PBX1: variants seen among roughly 807,000 people sequenced by gnomAD.
PBX1 encodes the protein pre-B-cell leukemia transcription factor 1.
Under a neutral mutation model 53.4 loss-of-function variants are expected in PBX1, and 6 were observed. That is an observed-to-expected ratio of 0.11 (90% CI 0.06 to 0.22). The LOEUF (loss-of-function observed/expected upper bound fraction) is 0.22. PBX1 is among the 10% of genes least tolerant of loss of function. The pLI is 1.00. For missense variants in PBX1, 251 were observed against 551.4 expected (o/e 0.46, Z 5.46); for synonymous variants, 204 against 212.3 (o/e 0.96, Z 0.34).
At chr1:164,852,043 AGCT>A (rs1363638056), downstream of PBX1, among the ~76,000 whole-genome samples, 5 of 152,282 alleles carry the variant, frequency 3.3e-5, no homozygotes, top group Non-Finnish European at 5.9e-5. Context: ...GGTAAACAAT[AGCT>A]GTATTACAGA....
intron 2 of PBX1, among the ~76,000 whole-genome samples, chr1:164,667,516 T>A (rs1660875353): frequency 6.6e-6 from 1 of 151,854 alleles, no homozygotes; most frequent in African/African-American, 2.4e-5. Context: ...CAGTGGACAT[T>A]TGGGTCAAGA....
In PBX1 at chr1:164,820,143, T is replaced by G. The variant is rs751257842; in HGVS notation, c.1069T>G (p.Ser357Ala). 1.9e-6 allele frequency: 3 copies of G among 1,613,834 alleles called. No individual in the cohort carries two copies. The highest frequency in any genetic ancestry group is 2.5e-6 in the Non-Finnish European group (3 of 1,179,804). The change falls in exon 7 of 9, where the codon TCT (serine) becomes GCT (alanine). Residue 357 changes from serine to alanine, a missense_variant. Physicochemically the swap from Ser to Ala is moderately conservative, Grantham distance 99. Transcript: ENST00000420696. ...GAGCGTGCAGTCACTCAATGGGGAT[T>G]CTTACCAAGGGGCCCAGGTTGGAGC... Reference protein sequence around the residue: ...FMSVQSLNGDSYQGAQVGANV... With the variant: ...FMSVQSLNGDAYQGAQVGANV...
chr1:164,743,863 A>G (rs1306897217), intron 2 of PBX1, among the ~76,000 whole-genome samples: 3 of 152,156 alleles, frequency 2.0e-5, no homozygotes, highest in African/African-American at 4.8e-5. Context: ...ACACTTACAT[A>G]TATGTACAGT....
At chr1:164,844,131 T>C (rs1460606657) in intron 8 of PBX1, among the ~76,000 whole-genome samples, 6 of 149,152 alleles carry the variant, frequency 4.0e-5, no homozygotes, top group Admixed American at 2.0e-4. Context: ...TTTTTTTTTT[T>C]TACCAGAATT....
intron 2 of PBX1, among the ~76,000 whole-genome samples, chr1:164,864,584 G>A (rs1396608715): frequency 6.6e-6 from 1 of 152,084 alleles, no homozygotes; most frequent in East Asian, 1.9e-4. Flanking sequence ...TAAACTTCAG[G>A]GATGGCAGCC....
intron 2 of PBX1, among the ~76,000 whole-genome samples, chr1:164,705,152 G>A (rs1663355855): frequency 6.6e-6 from 1 of 152,162 alleles, no homozygotes; most frequent in Non-Finnish European, 1.5e-5. Flanking sequence ...TCCACCCATA[G>A]ATGCCAGCAG....
chr1:164,852,762 G>T (rs1258703410), downstream of PBX1, among the ~76,000 whole-genome samples: 1 of 152,110 alleles, frequency 6.6e-6, no homozygotes, highest in East Asian at 1.9e-4. Context: ...TTTTATTAAT[G>T]GACAAGCTAA....
At chr1:164,565,078 C>G (rs1026349285) in intron 2 of PBX1, among the ~76,000 whole-genome samples, 3 of 151,928 alleles carry the variant, frequency 2.0e-5, no homozygotes, top group Non-Finnish European at 4.4e-5. Context: ...TACATTGTGG[C>G]CAAAGTGCTT....
chr1:164,761,810 C>T (rs1312848569), intron 2 of PBX1, among the ~76,000 whole-genome samples: 1 of 152,112 alleles, frequency 6.6e-6, no homozygotes, highest in Non-Finnish European at 1.5e-5. Context: ...CAGGCTATAC[C>T]TTTATTTGGA....
chr1:164,600,622 A>C (rs560464979), intron 2 of PBX1, among the ~76,000 whole-genome samples: 1 of 152,326 alleles, frequency 6.6e-6, no homozygotes, highest in African/African-American at 2.4e-5. Flanking sequence ...CTTTTGGCAC[A>C]TTTGATTCCT....
chr1:164,750,145 GGTGTGTGTGTGT>G (rs10665357), intron 2 of PBX1, among the ~76,000 whole-genome samples: 28 of 140,806 alleles, frequency 2.0e-4, no homozygotes, highest in Non-Finnish European at 3.7e-4. Context: ...GGGGCTAGTT[GGTGTGTGTGTGT>G]GTGTGTGTGT....
chr1:164,626,221 CT>C, intron 2 of PBX1: 1 of 455,270 alleles, frequency 2.2e-6, no homozygotes, highest in South Asian at 9.4e-5. Context: ...ACACATCTAT[CT>C]TGATGGCAGA....
At chr1:164,664,013 A>C (rs1660664896) in intron 2 of PBX1, among the ~76,000 whole-genome samples, 1 of 152,222 alleles carries the variant, frequency 6.6e-6, no homozygotes, top group Admixed American at 6.5e-5. Context: ...AAAGAGCAAA[A>C]AGGCTGGATT....
At chr1:164,885,783 T>G (rs1045691127) in intron 2 of PBX1, among the ~76,000 whole-genome samples, 1 of 152,170 alleles carries the variant, frequency 6.6e-6, no homozygotes, top group Non-Finnish European at 1.5e-5. Flanking sequence ...TTCACTCAAC[T>G]TACCTTTTTG....
chr1:164,882,710 G>A (rs980559084), intron 2 of PBX1, among the ~76,000 whole-genome samples: 1 of 152,128 alleles, frequency 6.6e-6, no homozygotes, highest in Admixed American at 6.5e-5. Flanking sequence ...AAAATACTGG[G>A]ATTACAGGCA....
chr1:164,582,343 A>T (rs563705957), intron 2 of PBX1, among the ~76,000 whole-genome samples: 54 of 152,290 alleles, frequency 3.5e-4, no homozygotes, highest in African/African-American at 1.2e-3. Context: ...AACATTTAGA[A>T]TTGGAAACTA....
chr1:164,703,463 G>C (rs1403950688), intron 2 of PBX1, among the ~76,000 whole-genome samples: 2 of 152,136 alleles, frequency 1.3e-5, no homozygotes, highest in African/African-American at 4.8e-5. Flanking sequence ...TGGATTACTG[G>C]GTATAGGTCC....
At chr1:164,579,769 G>A (rs979653574) in intron 2 of PBX1, among the ~76,000 whole-genome samples, 30 of 152,120 alleles carry the variant, frequency 2.0e-4, no homozygotes, top group African/African-American at 6.5e-4. Context: ...AGAGAATGTC[G>A]GCAGAAGTGA....
At chr1:164,791,971 C>T (rs564205112) in intron 2 of PBX1, among the ~76,000 whole-genome samples, 24 of 152,064 alleles carry the variant, frequency 1.6e-4, no homozygotes, top group African/African-American at 4.8e-4. Flanking sequence ...ACTACAGGCA[C>T]GCACCACCAC....
Sources: gnomAD v4.1 joint callset for allele counts (sites outside exome capture counted in the v4.1 genomes callset) on GRCh38, gnomAD v4.1.1 for gene constraint, MANE v1.5 for transcripts, NCBI Gene and HGNC (gene_info 2026-07-23, HGNC 2026-07-21) for gene names.